Variants in MTX2 observed in about 807,000 individuals in gnomAD.
MTX2 encodes the protein metaxin-2.
In MTX2, 35 loss-of-function variants were observed where a neutral mutation model predicts 42.3. The ratio of observed to expected loss-of-function variants is 0.83; its 90% CI spans 0.63 to 1.10. The LOEUF is 1.10. Ranked by LOEUF, MTX2 falls within the 50% of genes least tolerant of loss-of-function variation. The pLI is 0.00. For synonymous variants in MTX2, 119 were observed against 100.9 expected, an observed-to-expected ratio of 1.18 and a Z score of -1.08; for missense variants, 307 against 304.1, an observed-to-expected ratio of 1.01 and a Z score of -0.07.
chr2:176,327,494 G>A (rs1414822642), intron 5 of MTX2, among the ~76,000 whole-genome samples: 1 of 150,076 alleles, frequency 6.7e-6, no homozygotes, highest in Non-Finnish European at 1.5e-5. Context: ...ATTAATAGCT[G>A]TAGGTATATA....
intron 3 of MTX2, among the ~76,000 whole-genome samples, chr2:176,301,134 T>C (rs1684013779): frequency 6.6e-6 from 1 of 152,194 alleles, no homozygotes; most frequent in Admixed American, 6.6e-5. Flanking sequence ...CAAAATTTTA[T>C]TGATACTGAA....
chr2:176,299,152 C>T (rs952410500), intron 3 of MTX2, among the ~76,000 whole-genome samples: 2 of 152,070 alleles, frequency 1.3e-5, no homozygotes, highest in African/African-American at 2.4e-5. Context: ...TGTTTTTGCT[C>T]GTCAAAACGG....
At chr2:176,334,092 A>G (rs1033449966) in intron 9 of MTX2, among the ~76,000 whole-genome samples, 4 of 151,432 alleles carry the variant, frequency 2.6e-5, no homozygotes, top group Admixed American at 6.6e-5. Flanking sequence ...ATCAGTTTTT[A>G]TATGCTCATG....
chr2:176,297,986 T>G (rs1005882468), intron 3 of MTX2, 91 bp downstream of exon 3: 1 of 854,682 alleles, frequency 1.2e-6, no homozygotes, highest in Admixed American at 2.5e-5. Flanking sequence ...TTCCAAAATG[T>G]CTGATACTAT....
intron 1 of MTX2, among the ~76,000 whole-genome samples, chr2:176,296,194 ATTATCT>A (rs779938767): frequency 8.5e-5 from 13 of 152,118 alleles, no homozygotes; most frequent in Non-Finnish European, 1.5e-4. Context: ...CAGGCCTAAA[ATTATCT>A]TTACTGGCAT....
intron 1 of MTX2, among the ~76,000 whole-genome samples, chr2:176,290,175 A>G (rs1693296384): frequency 6.6e-6 from 1 of 152,080 alleles, no homozygotes; most frequent in African/African-American, 2.4e-5. Context: ...GAGTATTCTG[A>G]ACTTAAGGGG....
At chr2:176,297,137 G>A (rs975243819) in intron 2 of MTX2, among the ~76,000 whole-genome samples, 1 of 152,136 alleles carries the variant, frequency 6.6e-6, no homozygotes, top group African/African-American at 2.4e-5. Context: ...GGCTGCTGTA[G>A]GCGGTGTAAA....
At chr2:176,306,098 T>TG (rs1288139496) in intron 3 of MTX2, among the ~76,000 whole-genome samples, 3 of 151,898 alleles carry the variant, frequency 2.0e-5, no homozygotes, top group East Asian at 3.9e-4. Context: ...CAGTGTGTGA[T>TG]GTTCCCTGCC....
intron 1 of MTX2, among the ~76,000 whole-genome samples, chr2:176,282,133 T>TG: frequency 7.4e-6 from 1 of 134,914 alleles, no homozygotes; most frequent in Non-Finnish European, 1.6e-5. Flanking sequence ...GTAGTTTTTT[T>TG]TTTTTTTTTT....
intron 1 of MTX2, among the ~76,000 whole-genome samples, chr2:176,281,734 C>T (rs954271901): frequency 1.3e-5 from 2 of 151,984 alleles, no homozygotes; most frequent in South Asian, 2.1e-4. Flanking sequence ...CGAGAAGGCA[C>T]ACACATGACT....
intron 1 of MTX2, among the ~76,000 whole-genome samples, chr2:176,284,389 T>C (rs72922876): frequency 0.013 from 2,003 of 152,356 alleles, 18 homozygotes; most frequent in Middle Eastern, 0.024. Context: ...TTGTTGGTGC[T>C]GTGAATTTGT....
At chr2:176,274,534 CTA>C (rs1692900911) in intron 1 of MTX2, among the ~76,000 whole-genome samples, 1 of 152,142 alleles carries the variant, frequency 6.6e-6, no homozygotes, top group Non-Finnish European at 1.5e-5. Flanking sequence ...ACCAGGATAT[CTA>C]TTTCTCTCTC....
At chr2:176,324,497 G>C (rs1168795065) in intron 4 of MTX2, among the ~76,000 whole-genome samples, 1 of 151,440 alleles carries the variant, frequency 6.6e-6, no homozygotes, top group Non-Finnish European at 1.5e-5. Context: ...TTTTGTGTTG[G>C]TTTTATACGT....
chr2:176,293,628 C>T (rs1177696608), intron 1 of MTX2, among the ~76,000 whole-genome samples: 1 of 151,746 alleles, frequency 6.6e-6, no homozygotes, highest in African/African-American at 2.4e-5. Context: ...GACACCTGCT[C>T]CCCCCTTTGC....
chr2:176,312,813 A>G (rs1455463621), intron 3 of MTX2, among the ~76,000 whole-genome samples: 1 of 144,930 alleles, frequency 6.9e-6, no homozygotes, highest in Non-Finnish European at 1.5e-5. Context: ...CAGTGAGCCG[A>G]GATTGCATCA....
chr2:176,282,126 G>GTTTTTTTGTTTTTTTTTTTTTTTTTTTT (rs1693091383), intron 1 of MTX2, among the ~76,000 whole-genome samples: 2 of 26,432 alleles, frequency 7.6e-5, no homozygotes, highest in Non-Finnish European at 1.3e-4. Flanking sequence ...AGTTACAGTA[G>GTTTTTTTGTTTTTTTTTTTTTTTTTTTT]TTTTTTTTTT....
chr2:176,297,139 C>T (rs192059572), intron 2 of MTX2, among the ~76,000 whole-genome samples: 2 of 152,202 alleles, frequency 1.3e-5, no homozygotes, highest in Admixed American at 6.5e-5. Flanking sequence ...CTGCTGTAGG[C>T]GGTGTAAAAT....
In MTX2 at chr2:176,329,422, A is replaced by G. The variant is rs1470445079; in HGVS notation, c.539A>G (p.Asp180Gly). Residue 180 changes from aspartate (D) to glycine (G), a missense_variant, in exon 8 of 10, where the codon GAC becomes GGC. By Grantham distance (94) the Asp-to-Gly change is moderately conservative. Transcript: ENST00000249442. ...KAIGWGKKTL[D>G]QVLEDVDQCC... ...ATTGGATGGGGAAAGAAGACTCTGG[A>G]CCAGGTCAGTTCAGGTTGAAGTTGA... 2 of 1,605,932 alleles carry G rather than the reference A, an allele frequency of 1.2e-6. No individual in the cohort carries two copies. The highest frequency in any genetic ancestry group is 1.7e-6 in the Non-Finnish European group (2 of 1,174,524).
intron 1 of MTX2, among the ~76,000 whole-genome samples, chr2:176,291,728 A>C (rs553304606): frequency 1.3e-5 from 2 of 152,160 alleles, no homozygotes; most frequent in Non-Finnish European, 2.9e-5. Context: ...ACCTTATGCA[A>C]CTGCACAGGT....
Sources: gnomAD v4.1 joint callset for allele counts (sites outside exome capture counted in the v4.1 genomes callset) on GRCh38, gnomAD v4.1.1 for gene constraint, MANE v1.5 for transcripts, NCBI Gene and HGNC (gene_info 2026-07-23, HGNC 2026-07-21) for gene names.